Variants in PPARGC1B observed in about 807,000 individuals in gnomAD.
The protein encoded by PPARGC1B is peroxisome proliferator-activated receptor gamma coactivator 1-beta.
PPARGC1B carries 34 observed loss-of-function variants against 101.6 expected under a neutral mutation model. That is an observed-to-expected ratio of 0.33 (90% CI 0.25 to 0.45). The LOEUF is 0.45. Ranked by LOEUF, PPARGC1B falls within the 20% of genes least tolerant of loss-of-function variation. The pLI, the probability that PPARGC1B is intolerant of heterozygous loss-of-function variation, is 1.00. For missense variants in PPARGC1B, 1,234 were observed against 1,317.6 expected (o/e 0.94, Z 0.98); for synonymous variants, 548 against 539.3 (o/e 1.02, Z -0.22).
At chr5:149,778,086 CACACACACACACACACACACACACAG>C in intron 1 of PPARGC1B, among the ~76,000 whole-genome samples, 4 of 132,250 alleles carry the variant, frequency 3.0e-5, no homozygotes, top group Admixed American at 7.7e-5. Flanking sequence ...CACACACACA[CACACACACACACACACACACACACAG>C]AGTACCCAGC....
chr5:149,846,045 T>G, intron 11 of PPARGC1B, 131 bp downstream of exon 11: 1 of 1,090,152 alleles, frequency 9.2e-7, no homozygotes, highest in Non-Finnish European at 1.4e-6. Context: ...GTGTGCTGCT[T>G]GGTATAACTT....
At position 149,852,153 on chromosome 5, in the gene PPARGC1B, A is replaced by T. The variant is rs571881935; in HGVS notation, c.*4595A>T. On this transcript the variant is annotated 3_prime_UTR_variant, in exon 12 of 12. Coordinates refer to ENST00000309241, the MANE Select transcript of PPARGC1B (RefSeq NM_133263.4). ...GGGAGCCATGGGTTTAGATCTTGGT[A>T]CCTACCTTTACAGAAAGATGAAAAC... 1.3e-5 allele frequency: 2 copies of T among 152,280 alleles called. No homozygotes were observed. Among genetic ancestry groups the T allele is most frequent in the African/African-American group, 4.8e-5 (2 of 41,540 alleles). The allele number at this position is 152,280 out of a possible 1,614,324, so 9.4% of individuals were successfully genotyped here. A position where few individuals can be genotyped will look rare whatever the true frequency, so the allele number is the denominator to read the frequency against.
chr5:149,750,453 A>ATATATATATATATATATATATATATATAC (rs1755246049), intron 1 of PPARGC1B, among the ~76,000 whole-genome samples: 2 of 123,240 alleles, frequency 1.6e-5, no homozygotes, highest in African/African-American at 6.2e-5. Flanking sequence ...TTTTAGTTAA[A>ATATATATATATATATATATATATATATAC]ATATATATAT....
At position 149,833,039 on chromosome 5, in the gene PPARGC1B, G is replaced by T; in HGVS notation, c.966G>T (p.Gln322His). The T allele has an allele frequency of 6.2e-7, 1 of 1,613,838 alleles. No individual in the cohort carries two copies. The highest frequency in any genetic ancestry group is 8.5e-7 in the Non-Finnish European group (1 of 1,180,024). ...AGGCCTGCAGCAACCCCTCCCAGCA[G>T]GTCAGATCCCGGCCCTGGTCCCGGC... The part of the protein sequence containing the change: ...LPKACSNPSQ[Q>H]VRSRPWSRHH... Residue 322 changes from glutamine to histidine, a missense_variant, in exon 5 of 12, where the codon CAG becomes CAT. Transcript: ENST00000309241. This position sits in a 1 kb window ranked among gnomAD's most constrained non-coding sequence, Gnocchi z 4.1.
At chr5:149,844,576 C>G (rs1759480751) in intron 10 of PPARGC1B, among the ~76,000 whole-genome samples, 1 of 152,200 alleles carries the variant, frequency 6.6e-6, no homozygotes, top group Admixed American at 6.5e-5. Flanking sequence ...AAGGCAGAGG[C>G]TACAGTGAGC....
intron 10 of PPARGC1B, among the ~76,000 whole-genome samples, chr5:149,844,921 T>A (rs1252294806): frequency 6.6e-6 from 1 of 152,222 alleles, no homozygotes; most frequent in African/African-American, 2.4e-5. Context: ...GCAGAGTGGC[T>A]GCCTGTAGCT....
chr5:149,734,650 C>T (rs1308384294), intron 1 of PPARGC1B, among the ~76,000 whole-genome samples: 4 of 152,160 alleles, frequency 2.6e-5, no homozygotes, highest in Non-Finnish European at 5.9e-5. Context: ...AGTGAAATTA[C>T]TCCATCAAAC....
intron 1 of PPARGC1B, among the ~76,000 whole-genome samples, chr5:149,803,337 T>G (rs1231949164): frequency 1.3e-5 from 2 of 152,160 alleles, no homozygotes. Flanking sequence ...ACTTTCCCTC[T>G]CTGAACCTCA....
chr5:149,834,414 C>T (rs1321790306), intron 5 of PPARGC1B, among the ~76,000 whole-genome samples: 1 of 152,234 alleles, frequency 6.6e-6, no homozygotes, highest in Admixed American at 6.5e-5. Context: ...CCTCACTGTG[C>T]TACACGTTTA....
In PPARGC1B at chr5:149,820,582, C is replaced by A. The variant is rs761705021; in HGVS notation, c.228C>A (p.Ser76Arg). The A allele has an allele frequency of 1.2e-6, 2 of 1,612,906 alleles. No homozygotes were observed. The highest frequency in any genetic ancestry group is 2.7e-5 in the African/African-American group (2 of 74,916). ...ENSETEPNQY[S>R]PDDSELFQID... ...CAGAGACTGAACCCAACCAGTACAGCCCCGATGACTCCGAGCTCTTCCAGG... is the reference window on the plus strand; with the variant it reads ...CAGAGACTGAACCCAACCAGTACAGACCCGATGACTCCGAGCTCTTCCAGG... Residue 76 changes from serine to arginine, a missense_variant, in exon 2 of 12, where the codon AGC becomes AGA. By Grantham distance (110) the Ser-to-Arg change is moderately radical (BLOSUM62 -1). This residue lies in a region of PPARGC1B where 734 missense variants were observed against 768.4 expected (regional missense o/e 0.96). Coordinates refer to ENST00000309241, the MANE Select transcript of PPARGC1B (RefSeq NM_133263.4).
At chr5:149,830,651 G>A (rs1758744657) in intron 3 of PPARGC1B, 116 bp from the exon 4 acceptor site, 2 of 730,844 alleles carry the variant, frequency 2.7e-6, no homozygotes, top group Non-Finnish European at 4.9e-6. Context: ...TGCCCACCCT[G>A]TGTTCTCCCT....
intron 1 of PPARGC1B, among the ~76,000 whole-genome samples, chr5:149,809,915 TAGAA>T (rs1757786449): frequency 6.6e-6 from 1 of 151,462 alleles, no homozygotes; most frequent in Non-Finnish European, 1.5e-5. Context: ...GGGATGAGGA[TAGAA>T]AGAAGGGAGC....
Position 149,763,451 on chromosome 5 carries a change from G to T in PPARGC1B, c.78+33031G>T, listed in dbSNP as rs183687638. The stretch of plus-strand genomic sequence containing the variant: ...CTCTGTGAGCTCTGTCCTGGCTGTG[G>T]CTGAGTGGAATGTGTAGGTCCTGAG... On this transcript the variant is annotated intron_variant, in intron 1 of 11. Coordinates refer to ENST00000309241, the MANE Select transcript of PPARGC1B (RefSeq NM_133263.4). 3.9e-5 allele frequency among the ~76,000 whole-genome samples: 6 copies of T among 152,072 alleles called. No homozygotes were observed. The East Asian group carries it at 1.2e-3, about 29-fold the overall frequency.
At chr5:149,812,777 C>T (rs1284690140) in intron 1 of PPARGC1B, among the ~76,000 whole-genome samples, 2 of 152,210 alleles carry the variant, frequency 1.3e-5, no homozygotes, top group East Asian at 3.8e-4. Context: ...TTTGCCATGA[C>T]CCACCCAATC....
chr5:149,847,262 A>C, intron 11 of PPARGC1B, 196 bp from the exon 12 acceptor site: 1 of 716,132 alleles, frequency 1.4e-6, no homozygotes, highest in Non-Finnish European at 2.6e-6. Context: ...GCCCTGAGAC[A>C]CTGATACCAT....
chr5:149,845,649 G>T, intron 10 of PPARGC1B, 111 bp from the exon 11 acceptor site: 1 of 1,136,698 alleles, frequency 8.8e-7, no homozygotes, highest in Non-Finnish European at 1.3e-6. Context: ...GGGGCCACGT[G>T]ATGTGGGTAT....
In PPARGC1B at chr5:149,789,661, G is replaced by A. The variant is rs553550531; in HGVS notation, c.79-30772G>A. 2.6e-5 allele frequency among the ~76,000 whole-genome samples: 4 copies of A among 152,306 alleles called. No individual in the cohort carries two copies. The East Asian group carries it at 7.7e-4, about 29-fold the overall frequency. On this transcript the variant is annotated intron_variant, in intron 1 of 11. Coordinates refer to ENST00000309241, the MANE Select transcript of PPARGC1B (RefSeq NM_133263.4). ...CAGAAAACGACACTTGAACACAAAT[G>A]TCAAGTCACACGCCCAAGATCACAC... is the stretch of plus-strand genomic sequence containing the variant.
intron 1 of PPARGC1B, among the ~76,000 whole-genome samples, chr5:149,795,055 A>C (rs562124978): frequency 1.3e-5 from 2 of 152,246 alleles, no homozygotes; most frequent in Non-Finnish European, 2.9e-5. Flanking sequence ...TCTGGGCCTC[A>C]GTTTCCTTCC....
Position 149,766,688 on chromosome 5 carries a change from T to C in PPARGC1B, c.78+36268T>C, listed in dbSNP as rs886353724. ...GGCCTGGGATTATACTCTGCAGTCCTGCCCGTGTCCTTGACAGAGCACAAT... is the reference window on the plus strand; with the variant it reads ...GGCCTGGGATTATACTCTGCAGTCCCGCCCGTGTCCTTGACAGAGCACAAT... On this transcript the variant is annotated intron_variant, in intron 1 of 11. Coordinates refer to ENST00000309241, the MANE Select transcript of PPARGC1B (RefSeq NM_133263.4). Among the ~76,000 whole-genome samples the C allele has an allele frequency of 2.6e-5, 4 of 152,278 alleles. No individual in the cohort carries two copies. The East Asian group carries it at 7.7e-4, about 29-fold the overall frequency.
Sources: gnomAD v4.1 joint callset for allele counts (sites outside exome capture counted in the v4.1 genomes callset) on GRCh38, gnomAD v4.1.1 for gene constraint, gnomAD v4.1.1 regional missense constraint, Gnocchi (gnomAD v3.1) non-coding constraint, MANE v1.5 for transcripts, NCBI Gene and HGNC (gene_info 2026-07-23, HGNC 2026-07-21) for gene names.